The following CDK19 variants were observed in gnomAD, a reference collection of about 807,000 sequenced individuals.
CDK19 encodes the protein cyclin-dependent kinase 19.
CDK19 carries 20 observed loss-of-function variants against 68.3 expected under a neutral mutation model. That is an observed-to-expected ratio of 0.29 (90% confidence interval 0.21 to 0.43). The LOEUF is 0.43. Among genes scored for constraint, CDK19 ranks in the 20% least tolerant of loss-of-function variants. The probability of loss-of-function intolerance (pLI) is 1.00; values close to 1 mark genes in which losing one functional copy is unlikely to be tolerated. For missense variants in CDK19, 339 were observed against 623.5 expected, an observed-to-expected ratio of 0.54 and a Z score of 4.86; for synonymous variants, 221 against 222.8, an observed-to-expected ratio of 0.99 and a Z score of 0.07.
rs1275389842 is a variant in CDK19, at chr6:110,759,428, A to AAAAAATAT, written c.129-13228_129-13227insATATTTTT. 1.6e-4 allele frequency among the ~76,000 whole-genome samples: 8 copies of AAAAAATAT among 50,904 alleles called. No homozygotes were observed. The East Asian group carries it at 4.1e-3, about 26-fold the overall frequency. The allele number at this position is 50,904 out of a possible 152,430, so 33.4% of individuals were successfully genotyped here. A position where few individuals can be genotyped will look rare whatever the true frequency, so the allele number is the denominator to read the frequency against. Reference sequence around the variant, plus strand: ...TTAAAAAAAAAAAAAAAAAAAAAAAAATATATATATATATATATATATAAA... The same window carrying AAAAAATAT: ...TTAAAAAAAAAAAAAAAAAAAAAAAAAAAAATATATATATATATATATATATATATAAA... On this transcript the variant is annotated intron_variant, in intron 1 of 12. Coordinates refer to ENST00000368911, the MANE Select transcript of CDK19 (RefSeq NM_015076.5).
At chr6:110,710,831 A>G (rs998654725) in intron 2 of CDK19, among the ~76,000 whole-genome samples, 12 of 152,232 alleles carry the variant, frequency 7.9e-5, no homozygotes, top group African/African-American at 1.2e-4. Flanking sequence ...ACAAACATTC[A>G]GACCATATCC....
At chr6:110,710,239 A>G (rs1210504732) in intron 2 of CDK19, among the ~76,000 whole-genome samples, 3 of 152,236 alleles carry the variant, frequency 2.0e-5, no homozygotes, top group Admixed American at 6.5e-5. Context: ...CCTTCACTTC[A>G]TGCTTTGTCG....
intron 2 of CDK19, among the ~76,000 whole-genome samples, chr6:110,692,319 C>T (rs1333412873): frequency 6.0e-5 from 9 of 151,012 alleles, no homozygotes; most frequent in African/African-American, 2.2e-4. Context: ...AAGAAAGACA[C>T]TCTTACAGAA....
chr6:110,663,804 T>C (rs1224080927), intron 4 of CDK19, among the ~76,000 whole-genome samples: 4 of 152,186 alleles, frequency 2.6e-5, no homozygotes, highest in Non-Finnish European at 5.9e-5. Flanking sequence ...ATGCTGAAAT[T>C]ACAAGCATGA....
At chr6:110,753,203 T>C (rs1334390128) in intron 1 of CDK19, among the ~76,000 whole-genome samples, 1 of 152,166 alleles carries the variant, frequency 6.6e-6, no homozygotes, top group Non-Finnish European at 1.5e-5. Flanking sequence ...GTGCTAGGAT[T>C]ACAGGCGTGA....
intron 6 of CDK19, 90 bp from the exon 7 acceptor site, chr6:110,627,235 A>AGGCCGGGTGCGGTGGCTCACGCCT: frequency 1.1e-6 from 1 of 941,362 alleles, no homozygotes; most frequent in East Asian, 3.0e-5. Flanking sequence ...AATACTTTTC[A>AGGCCGGGTGCGGTGGCTCACGCCT]GTAAATCAAT....
Position 110,803,413 on chromosome 6 carries a change from C to G in CDK19, c.128+11596G>C, listed in dbSNP as rs189454616. On this transcript the variant is annotated intron_variant, in intron 1 of 12. Coordinates refer to ENST00000368911, the MANE Select transcript of CDK19 (RefSeq NM_015076.5). ...ACTTTTCATTTTATATACAACTATA[C>G]TAAGTTTTTTTACCATGTGTAACCA... is the stretch of plus-strand genomic sequence containing the variant. Among the ~76,000 whole-genome samples, 22 of 147,448 alleles carry G rather than the reference C, an allele frequency of 1.5e-4. No individual in the cohort carries two copies. In the East Asian group the frequency reaches 4.8e-3, roughly 32 times the overall value.
At chr6:110,668,661 C>T (rs1254852368) in intron 3 of CDK19, among the ~76,000 whole-genome samples, 2 of 151,936 alleles carry the variant, frequency 1.3e-5, no homozygotes, top group Admixed American at 6.6e-5. Flanking sequence ...GGTGAAACCC[C>T]GTCTCTACTA....
At chr6:110,794,335 G>A (rs1334403743) in intron 1 of CDK19, among the ~76,000 whole-genome samples, 4 of 151,314 alleles carry the variant, frequency 2.6e-5, no homozygotes, top group East Asian at 2.0e-4. Flanking sequence ...GTGAGCGACC[G>A]CGCCTGGCCT....
intron 2 of CDK19, 28 bp from the exon 3 acceptor site, chr6:110,670,569 C>G (rs765020738): frequency 2.7e-5 from 36 of 1,311,666 alleles, no homozygotes; most frequent in Non-Finnish European, 3.6e-5. Flanking sequence ...AGAGGGGTCA[C>G]TGTTGTGTTA....
intron 1 of CDK19, among the ~76,000 whole-genome samples, chr6:110,746,450 T>C (rs1354122721): frequency 3.9e-5 from 6 of 152,138 alleles, no homozygotes; most frequent in Non-Finnish European, 7.4e-5. Flanking sequence ...CAGAACAGGA[T>C]ACTAAACACA....
intron 4 of CDK19, chr6:110,646,164 G>A (rs1780557828): frequency 1.9e-6 from 2 of 1,067,906 alleles, no homozygotes; most frequent in Non-Finnish European, 2.7e-6. Flanking sequence ...CACGCAGCGC[G>A]CCACCGGCCA....
intron 1 of CDK19, among the ~76,000 whole-genome samples, chr6:110,749,046 T>C (rs970406334): frequency 6.6e-6 from 1 of 152,212 alleles, no homozygotes; most frequent in Non-Finnish European, 1.5e-5. Context: ...TCCAAAGCCT[T>C]CAGAGAAACT....
intron 1 of CDK19, among the ~76,000 whole-genome samples, chr6:110,764,846 G>A (rs1341067945): frequency 6.6e-6 from 1 of 151,946 alleles, no homozygotes; most frequent in Non-Finnish European, 1.5e-5. Flanking sequence ...AGCTACTCAG[G>A]AGGCTGAGGG....
intron 6 of CDK19, 78 bp downstream of exon 6, chr6:110,631,952 A>T: frequency 7.5e-7 from 1 of 1,328,944 alleles, no homozygotes; most frequent in Non-Finnish European, 1.1e-6. Flanking sequence ...GGTTTTTATC[A>T]AGTAGCTTTA....
chr6:110,783,020 C>A (rs1041692352), intron 1 of CDK19, among the ~76,000 whole-genome samples: 4 of 152,180 alleles, frequency 2.6e-5, no homozygotes, highest in Non-Finnish European at 5.9e-5. Flanking sequence ...TGCTCACCTG[C>A]AGCACACTAT....
At position 110,815,251 on chromosome 6, in the gene CDK19, GCGCGCGCCGCC is replaced by G; in HGVS notation, c.-126_-116del. On this transcript the variant is annotated 5_prime_UTR_variant, in exon 1 of 13. Transcript: ENST00000368911. ...TCCAACAGCCGCCTCTCGCGCGCGCGCGCGCGCCGCCCGCCGCCCGCCGCTCCGCGGTCCGC... is the reference window on the plus strand; with the variant it reads ...TCCAACAGCCGCCTCTCGCGCGCGCGCGCCGCCCGCCGCTCCGCGGTCCGC... The G allele has an allele frequency of 8.3e-7, 1 of 1,198,736 alleles. No individual in the cohort carries two copies. The highest frequency in any genetic ancestry group is 1.1e-6 in the Non-Finnish European group (1 of 943,362). 74.3% of individuals were successfully genotyped at this position (1,198,736 alleles called of 1,614,324 possible).
At chr6:110,657,686 G>A (rs1226336087) in intron 4 of CDK19, among the ~76,000 whole-genome samples, 1 of 152,140 alleles carries the variant, frequency 6.6e-6, no homozygotes, top group East Asian at 1.9e-4. Flanking sequence ...CCCTCTTAGT[G>A]ACCTTGAAGT....
chr6:110,716,619 T>C (rs914694294), intron 2 of CDK19, among the ~76,000 whole-genome samples: 3 of 152,130 alleles, frequency 2.0e-5, no homozygotes, highest in Non-Finnish European at 1.5e-5. Context: ...TGAACATGCC[T>C]AGAATAGTCC....
Sources: allele counts gnomAD v4.1 joint callset (sites outside exome capture counted in the v4.1 genomes callset), GRCh38; gene constraint gnomAD v4.1.1; transcripts MANE v1.5; gene names NCBI Gene and HGNC (gene_info 2026-07-23, HGNC 2026-07-21).